The following ARK2C variants were observed in gnomAD, a reference collection of about 807,000 sequenced individuals.
The protein encoded by ARK2C is E3 ubiquitin-protein ligase ARK2C.
chr18:46,352,480 G>A, the ARK2C span, among the ~76,000 whole-genome samples: 2 of 152,164 alleles, frequency 1.3e-5, no homozygotes, highest in African/African-American at 4.8e-5. Context: ...TGTGGTAACA[G>A]AGATCCAAAA....
At chr18:46,447,590 T>C in the ARK2C span, 11 of 1,614,050 alleles carry the variant, frequency 6.8e-6, no homozygotes, top group Non-Finnish European at 9.3e-6. Context: ...CTGGCTTGAG[T>C]CCTGCTCAGT....
At chr18:46,400,369 G>T in the ARK2C span, among the ~76,000 whole-genome samples, 1 of 152,190 alleles carries the variant, frequency 6.6e-6, no homozygotes, top group Non-Finnish European at 1.5e-5. Context: ...CACCTGGCAG[G>T]TTCCCAGTGC....
the ARK2C span, among the ~76,000 whole-genome samples, chr18:46,429,329 GCTTCGGT>G: frequency 6.6e-6 from 1 of 152,204 alleles, no homozygotes; most frequent in Non-Finnish European, 1.5e-5. Context: ...GAGCCAAGCA[GCTTCGGT>G]CTGCCCTTTG....
the ARK2C span, among the ~76,000 whole-genome samples, chr18:46,418,749 C>T: frequency 6.6e-6 from 1 of 152,302 alleles, no homozygotes; most frequent in East Asian, 1.9e-4. Flanking sequence ...TAGTTACAGA[C>T]CCAGAAAAGA....
At chr18:46,431,637 G>T in the ARK2C span, among the ~76,000 whole-genome samples, 7 of 152,088 alleles carry the variant, frequency 4.6e-5, no homozygotes, top group African/African-American at 1.7e-4. Context: ...ATCCTGCTGT[G>T]TTTGTTAGCA....
chr18:46,429,578 T>C, the ARK2C span, among the ~76,000 whole-genome samples: 1 of 152,222 alleles, frequency 6.6e-6, no homozygotes, highest in African/African-American at 2.4e-5. Flanking sequence ...ATAGAAATGA[T>C]GTTTACTGTT....
chr18:46,404,488 T>G, the ARK2C span, among the ~76,000 whole-genome samples: 8,066 of 152,202 alleles, frequency 0.053, 765 homozygotes, highest in East Asian at 0.39. Flanking sequence ...GCGTGGTGGC[T>G]CACACCTGTA....
At chr18:46,437,990 T>C in the ARK2C span, among the ~76,000 whole-genome samples, 1 of 152,084 alleles carries the variant, frequency 6.6e-6, no homozygotes, top group African/African-American at 2.4e-5. Flanking sequence ...GAGTCACCCA[T>C]AGGATGGTGC....
chr18:46,387,683 C>A, the ARK2C span, among the ~76,000 whole-genome samples: 1 of 152,240 alleles, frequency 6.6e-6, no homozygotes, highest in Non-Finnish European at 1.5e-5. Context: ...GGGAACAGAC[C>A]AGAAACCACA....
the ARK2C span, among the ~76,000 whole-genome samples, chr18:46,402,821 A>C: frequency 1.3e-5 from 2 of 152,014 alleles, no homozygotes; most frequent in Non-Finnish European, 2.9e-5. Flanking sequence ...TTTATTTGTG[A>C]ACTCTGGAAT....
chr18:46,400,119 G>A, the ARK2C span, among the ~76,000 whole-genome samples: 1 of 152,158 alleles, frequency 6.6e-6, no homozygotes, highest in Non-Finnish European at 1.5e-5. Flanking sequence ...TTCTCCTGGC[G>A]GGTGTCCTGC....
the ARK2C span, chr18:46,334,671 CGTGTGTGTGTGTGT>C: frequency 8.6e-4 from 263 of 304,704 alleles, 1 homozygote; most frequent in African/African-American, 4.8e-3. This position sits in a 1 kb window ranked among gnomAD's most constrained non-coding sequence, Gnocchi z 4.4. Context: ...GATACATGAC[CGTGTGTGTGTGTGT>C]GTGTGTGTGT....
chr18:46,334,425 C>A, the ARK2C span: 2 of 1,119,500 alleles, frequency 1.8e-6, no homozygotes, highest in South Asian at 3.6e-5. This position sits in a 1 kb window ranked among gnomAD's most constrained non-coding sequence, Gnocchi z 4.4. Context: ...GCCGGGGGCT[C>A]AGGGCACACC....
the ARK2C span, among the ~76,000 whole-genome samples, chr18:46,383,833 G>C: frequency 6.6e-6 from 1 of 151,254 alleles, no homozygotes; most frequent in Non-Finnish European, 1.5e-5. Context: ...TCACAGGCGT[G>C]AGCCACCGCG....
the ARK2C span, among the ~76,000 whole-genome samples, chr18:46,406,972 G>A: frequency 3.9e-5 from 6 of 151,948 alleles, no homozygotes; most frequent in African/African-American, 1.5e-4. Flanking sequence ...TCCCTGAACA[G>A]CCTAGTTTCC....
chr18:46,347,204 A>T, the ARK2C span, among the ~76,000 whole-genome samples: 1 of 152,172 alleles, frequency 6.6e-6, no homozygotes, highest in East Asian at 1.9e-4. Context: ...CGCCTCTCCC[A>T]TGTAGGCCCA....
the ARK2C span, among the ~76,000 whole-genome samples, chr18:46,420,947 A>C: frequency 3.2e-4 from 49 of 152,314 alleles, 3 homozygotes; most frequent in South Asian, 0.01. Flanking sequence ...AGAATATCTG[A>C]ACTCATGACC....
At chr18:46,386,890 A>G in the ARK2C span, 2 of 152,114 alleles carry the variant, frequency 1.3e-5, no homozygotes, top group African/African-American at 4.8e-5. Flanking sequence ...GATTTCTAGT[A>G]CCTTTGGCAT....
chr18:46,403,908 T>C, the ARK2C span, among the ~76,000 whole-genome samples: 1 of 151,890 alleles, frequency 6.6e-6, no homozygotes, highest in African/African-American at 2.4e-5. Flanking sequence ...CAAAATCAGA[T>C]CCATTGCACT....
Sources: allele counts gnomAD v4.1 joint callset (sites outside exome capture counted in the v4.1 genomes callset), GRCh38; gene constraint gnomAD v4.1.1; non-coding constraint Gnocchi (gnomAD v3.1); transcripts MANE v1.5; gene names NCBI Gene and HGNC (gene_info 2026-07-23, HGNC 2026-07-21).